PRUNE1: variants seen among roughly 807,000 people sequenced by gnomAD.
PRUNE1 encodes the protein exopolyphosphatase PRUNE1.
PRUNE1 carries 25 observed loss-of-function variants against 42.5 expected under a neutral mutation model. That is an observed-to-expected ratio of 0.59 (90% CI 0.43 to 0.82). The LOEUF is 0.82. PRUNE1 is among the 40% of genes least tolerant of loss of function. The pLI is 0.00. For synonymous variants in PRUNE1, 203 were observed against 217.1 expected, an observed-to-expected ratio of 0.93 and a Z score of 0.57; for missense variants, 443 against 539.3, an observed-to-expected ratio of 0.82 and a Z score of 1.77.
intron 6 of PRUNE1, among the ~76,000 whole-genome samples, chr1:151,028,023 T>G (rs587744233): frequency 1.6e-4 from 25 of 152,284 alleles, no homozygotes; most frequent in African/African-American, 6.0e-4. Context: ...GCTCCACTCC[T>G]GTTCTACAGT....
At position 151,033,988 on chromosome 1, in the gene PRUNE1, G is replaced by C; in HGVS notation, c.1116G>C (p.Gln372His). The C allele has an allele frequency of 6.2e-7, 1 of 1,614,116 alleles. No homozygotes were observed. The highest frequency in any genetic ancestry group is 8.5e-7 in the Non-Finnish European group (1 of 1,179,968). Residue 372 changes from glutamine to histidine, a missense_variant, in exon 8 of 8, where the codon CAG becomes CAC. Coordinates refer to ENST00000271620, the MANE Select transcript of PRUNE1 (RefSeq NM_021222.3). Reference sequence around the variant, plus strand: ...ACTCCATGAAGATCCCTTCAGGACAGCCTGAGACAGCAGATGTGTCCAGGG... The same window carrying C: ...ACTCCATGAAGATCCCTTCAGGACACCCTGAGACAGCAGATGTGTCCAGGG... The part of the protein sequence containing the change: ...YFDSMKIPSG[Q>H]PETADVSREQ...
chr1:151,019,629 CTT>C (rs888006987), intron 3 of PRUNE1, among the ~76,000 whole-genome samples: 2 of 149,076 alleles, frequency 1.3e-5, no homozygotes, highest in Non-Finnish European at 1.5e-5. Context: ...TTGCAATTCT[CTT>C]TTTATTTTTT....
intron 3 of PRUNE1, among the ~76,000 whole-genome samples, chr1:151,021,007 G>A (rs587672290): frequency 2.6e-5 from 4 of 151,754 alleles, no homozygotes; most frequent in South Asian, 2.1e-4. Context: ...ATAGCTGGGC[G>A]TGGTGGCTCG....
At chr1:151,031,021 G>T (rs2102942581) in intron 7 of PRUNE1, among the ~76,000 whole-genome samples, 1 of 152,142 alleles carries the variant, frequency 6.6e-6, no homozygotes, top group South Asian at 2.1e-4. Context: ...GTAAGAAAAG[G>T]GTGCTTTGGC....
In PRUNE1 at chr1:151,031,331, A is replaced by G. The variant is rs587771133; in HGVS notation, c.933+2387A>G. Reference sequence around the variant, plus strand: ...CTCCCAAGTAGCTGCGGCTACAGGCACACCACCATGGCTAGCTAATTTTTT... The same window carrying G: ...CTCCCAAGTAGCTGCGGCTACAGGCGCACCACCATGGCTAGCTAATTTTTT... On this transcript the variant is annotated intron_variant, in intron 7 of 7. Transcript: ENST00000271620. Among the ~76,000 whole-genome samples the G allele has an allele frequency of 1.6e-3, 237 of 151,712 alleles. 2 individuals are homozygous for G. The highest frequency in any genetic ancestry group is 0.01 in the Middle Eastern group (3 of 294).
intron 1 of PRUNE1, among the ~76,000 whole-genome samples, chr1:151,013,521 A>C (rs768091382): frequency 6.6e-6 from 1 of 152,126 alleles, no homozygotes; most frequent in Non-Finnish European, 1.5e-5. Flanking sequence ...CATGGTAAGG[A>C]TCTAACTGAA....
chr1:151,013,490 T>G (rs1303906084), intron 1 of PRUNE1, among the ~76,000 whole-genome samples: 1 of 152,224 alleles, frequency 6.6e-6, no homozygotes, highest in Non-Finnish European at 1.5e-5. Flanking sequence ...TACTTTGTGC[T>G]TTTCTGCTTA....
At chr1:151,014,411 A>G (rs937578552) in intron 1 of PRUNE1, among the ~76,000 whole-genome samples, 3 of 152,120 alleles carry the variant, frequency 2.0e-5, no homozygotes, top group African/African-American at 7.2e-5. Flanking sequence ...CAGGGATGGG[A>G]GTAGGAGATG....
At chr1:151,017,617 T>C (rs587771907) in intron 1 of PRUNE1, among the ~76,000 whole-genome samples, 195 bp from the exon 2 acceptor site, 1 of 152,206 alleles carries the variant, frequency 6.6e-6, no homozygotes, top group East Asian at 1.9e-4. Context: ...TTTCCTGTAG[T>C]TCCAGCTACT....
intron 6 of PRUNE1, among the ~76,000 whole-genome samples, chr1:151,028,578 C>A (rs1571810582): frequency 1.3e-5 from 2 of 152,260 alleles, no homozygotes; most frequent in East Asian, 3.9e-4. Flanking sequence ...CATATGCCCC[C>A]ATGCCCGGCT....
chr1:151,030,746 G>A (rs1385136975), intron 7 of PRUNE1, among the ~76,000 whole-genome samples: 1 of 152,060 alleles, frequency 6.6e-6, no homozygotes, highest in African/African-American at 2.4e-5. Flanking sequence ...TTGGCCTTCC[G>A]AAGTGCTGGA....
intron 1 of PRUNE1, among the ~76,000 whole-genome samples, chr1:151,013,569 T>C (rs762693061): frequency 3.9e-5 from 6 of 152,170 alleles, no homozygotes; most frequent in Non-Finnish European, 8.8e-5. Flanking sequence ...GCAACACTGA[T>C]GTAAATAAGC....
intron 2 of PRUNE1, 125 bp from the exon 3 acceptor site, chr1:151,018,342 G>T (rs762067335): frequency 1.2e-6 from 1 of 842,586 alleles, no homozygotes; most frequent in Non-Finnish European, 2.0e-6. Context: ...TTATAGACTG[G>T]GTACTTATGG....
chr1:151,025,328 C>T (rs1674760506), intron 4 of PRUNE1, among the ~76,000 whole-genome samples, 187 bp from the exon 5 acceptor site: 1 of 152,182 alleles, frequency 6.6e-6, no homozygotes, highest in Admixed American at 6.6e-5. Flanking sequence ...CATTTCCCTT[C>T]CTACATTTTA....
chr1:151,009,992 C>T (rs979376630), intron 1 of PRUNE1, among the ~76,000 whole-genome samples: 1 of 152,198 alleles, frequency 6.6e-6, no homozygotes, highest in Non-Finnish European at 1.5e-5. Context: ...TGCCCTTGGA[C>T]CTGAAACCTC....
At chr1:151,029,588 C>G (rs988337675) in intron 7 of PRUNE1, among the ~76,000 whole-genome samples, 1 of 151,438 alleles carries the variant, frequency 6.6e-6, no homozygotes, top group Admixed American at 6.6e-5. Context: ...AGGATAGTCT[C>G]GATCTCCTGA....
At chr1:151,027,813 C>T (rs908830329) in intron 6 of PRUNE1, among the ~76,000 whole-genome samples, 1 of 151,274 alleles carries the variant, frequency 6.6e-6, no homozygotes, top group Non-Finnish European at 1.5e-5. Flanking sequence ...TCGATGGGGT[C>T]TCACTATGTT....
intron 3 of PRUNE1, among the ~76,000 whole-genome samples, chr1:151,020,886 G>A (rs772731535): frequency 1.7e-4 from 26 of 151,956 alleles, no homozygotes; most frequent in South Asian, 4.1e-4. Context: ...GGAGTCTGAG[G>A]TAGGAGAATG....
intron 3 of PRUNE1, among the ~76,000 whole-genome samples, chr1:151,022,352 C>T (rs191559740): frequency 3.3e-4 from 50 of 151,786 alleles, no homozygotes; most frequent in African/African-American, 1.0e-3. Flanking sequence ...TCAAGTGATC[C>T]GCCCGCCTCA....
Sources: gnomAD v4.1 joint callset for allele counts (sites outside exome capture counted in the v4.1 genomes callset) on GRCh38, gnomAD v4.1.1 for gene constraint, MANE v1.5 for transcripts, NCBI Gene and HGNC (gene_info 2026-07-23, HGNC 2026-07-21) for gene names.